PTPRD: variants seen among roughly 807,000 people sequenced by gnomAD.
The protein encoded by PTPRD is protein tyrosine phosphatase receptor type D.
PTPRD carries 34 observed loss-of-function variants against 214.5 expected under a neutral mutation model. The observed-to-expected ratio is 0.16, with a 90% CI of 0.12 to 0.21. PTPRD has a LOEUF of 0.21. Ranked by LOEUF, PTPRD falls within the 10% of genes least tolerant of loss-of-function variation. The pLI is 1.00. For synonymous variants in PTPRD, 1,128 were observed against 845.7 expected (o/e 1.33, Z -5.79); for missense variants, 2,545 against 2,398.7 (o/e 1.06, Z -1.27).
At chr9:9,741,300 AC>A (rs1393020361) in intron 6 of PTPRD, among the ~76,000 whole-genome samples, 4 of 152,170 alleles carry the variant, frequency 2.6e-5, no homozygotes, top group African/African-American at 9.7e-5. Flanking sequence ...GAAAAGAAGG[AC>A]ACAGAATTAA....
At chr9:10,506,889 C>G (rs908181206) in intron 2 of PTPRD, among the ~76,000 whole-genome samples, 17 of 152,090 alleles carry the variant, frequency 1.1e-4, no homozygotes, top group Admixed American at 2.6e-4. Context: ...ATGTACCCTT[C>G]TCTGTGCATT....
chr9:8,383,556 T>C (rs937978414), intron 37 of PTPRD, among the ~76,000 whole-genome samples: 1 of 152,192 alleles, frequency 6.6e-6, no homozygotes, highest in Non-Finnish European at 1.5e-5. Flanking sequence ...TGGCATCATC[T>C]GGTTTGTATG....
chr9:9,923,663 T>A (rs965985552), intron 5 of PTPRD, among the ~76,000 whole-genome samples: 1 of 151,986 alleles, frequency 6.6e-6, no homozygotes, highest in African/African-American at 2.4e-5. Flanking sequence ...TTTTCATAAT[T>A]GTGAGCAAGA....
intron 4 of PTPRD, among the ~76,000 whole-genome samples, chr9:10,001,522 A>G (rs2096313911): frequency 6.6e-6 from 1 of 152,188 alleles, no homozygotes; most frequent in South Asian, 2.1e-4. Flanking sequence ...GGAACTTATC[A>G]CATACTTGTC....
chr9:9,998,790 G>A (rs1049971920), intron 4 of PTPRD, among the ~76,000 whole-genome samples: 1 of 152,162 alleles, frequency 6.6e-6, no homozygotes, highest in Admixed American at 6.5e-5. Context: ...CTTGAGATAA[G>A]CGAGGGAAAG....
intron 11 of PTPRD, among the ~76,000 whole-genome samples, chr9:8,844,155 T>C (rs765969749): frequency 7.2e-5 from 11 of 152,304 alleles, no homozygotes; most frequent in Non-Finnish European, 1.0e-4. Context: ...GGTCATTTAT[T>C]TCCCCTTTAT....
intron 2 of PTPRD, among the ~76,000 whole-genome samples, chr9:10,385,057 C>A (rs1305356586): frequency 1.3e-5 from 2 of 151,724 alleles, no homozygotes; most frequent in African/African-American, 2.4e-5. Context: ...CCTAACCTTA[C>A]GGGTTATTTT....
intron 9 of PTPRD, among the ~76,000 whole-genome samples, chr9:9,274,585 G>C (rs1342933668): frequency 6.6e-6 from 1 of 151,110 alleles, no homozygotes; most frequent in South Asian, 2.1e-4. Context: ...GAAATTTGGA[G>C]AACTCCCAAA....
chr9:10,066,964 G>GAA (rs200442683), intron 3 of PTPRD, among the ~76,000 whole-genome samples: 57 of 142,884 alleles, frequency 4.0e-4, no homozygotes, highest in African/African-American at 1.3e-3. Context: ...TGTCCTTCTG[G>GAA]AAAAAAAAAA....
chr9:8,398,202 G>T (rs2091643431), intron 36 of PTPRD, among the ~76,000 whole-genome samples: 1 of 152,006 alleles, frequency 6.6e-6, no homozygotes, highest in East Asian at 1.9e-4. Flanking sequence ...TATTTTCTTG[G>T]TGCCAGGCAC....
At chr9:10,605,145 A>C (rs1014533763) in intron 2 of PTPRD, among the ~76,000 whole-genome samples, 3 of 151,894 alleles carry the variant, frequency 2.0e-5, no homozygotes, top group East Asian at 3.9e-4. Flanking sequence ...TTTGATCCAA[A>C]GTACACATTA....
intron 11 of PTPRD, among the ~76,000 whole-genome samples, chr9:8,910,769 T>C (rs184992626): frequency 5.8e-4 from 89 of 152,330 alleles, no homozygotes; most frequent in Non-Finnish European, 1.1e-3. Context: ...GATTACGTAA[T>C]ATAAAATCAA....
At chr9:10,121,377 G>C (rs1396782535) in intron 3 of PTPRD, among the ~76,000 whole-genome samples, 1 of 152,072 alleles carries the variant, frequency 6.6e-6, no homozygotes, top group African/African-American at 2.4e-5. Flanking sequence ...ATTTTGCTTA[G>C]GCTAAAATTA....
intron 6 of PTPRD, among the ~76,000 whole-genome samples, chr9:9,756,412 G>C (rs1596892539): frequency 6.6e-6 from 1 of 152,150 alleles, no homozygotes; most frequent in East Asian, 1.9e-4. Flanking sequence ...TTTTAACAAT[G>C]GTTTACGTTC....
At chr9:9,864,724 G>A (rs541979073) in intron 5 of PTPRD, among the ~76,000 whole-genome samples, 1 of 152,040 alleles carries the variant, frequency 6.6e-6, no homozygotes, top group Non-Finnish European at 1.5e-5. Context: ...TCACTTTGTT[G>A]CCTAGGCTTG....
chr9:9,379,232 A>T lies in PTPRD; in HGVS notation c.-203+18217T>A, dbSNP rs544606112. 4.3e-3 allele frequency among the ~76,000 whole-genome samples: 620 copies of T among 145,364 alleles called. 3 individuals carry two copies. Among genetic ancestry groups the T allele is most frequent in the African/African-American group, 0.015 (588 of 39,800 alleles). ...ATATGATATATATTTGATATATTTT[A>T]TATATATATATATATTTGCCTGTGA... On this transcript the variant is annotated intron_variant, in intron 9 of 45. Transcript: ENST00000381196.
Position 10,194,941 on chromosome 9 carries a change from A to ATT in PTPRD, c.-545+146020_-545+146021dup, listed in dbSNP as rs113659073. ...AAAAAATAACAAGGATTTTCATTTA[A>ATT]TTTTTTTTTTTTTTTTTGAGACAGA... On this transcript the variant is annotated intron_variant, in intron 3 of 45. Coordinates refer to ENST00000381196, the MANE Select transcript of PTPRD (RefSeq NM_002839.4). 3.3e-3 allele frequency among the ~76,000 whole-genome samples: 448 copies of ATT among 137,040 alleles called. 4 individuals carry two copies. The highest frequency in any genetic ancestry group is 5.4e-3 in the African/African-American group (201 of 37,146). 89.9% of individuals were successfully genotyped at this position (137,040 alleles called of 152,430 possible).
intron 5 of PTPRD, among the ~76,000 whole-genome samples, chr9:9,783,819 GT>G (rs71485303): frequency 0.53 from 72,385 of 137,304 alleles, 18,975 homozygotes; most frequent in Middle Eastern, 0.64. Flanking sequence ...CTCCTGCTTC[GT>G]TTTTTTTTTT....
chr9:8,713,509 G>T (rs2098390531), intron 12 of PTPRD: 1 of 1,179,320 alleles, frequency 8.5e-7, no homozygotes. Flanking sequence ...CTGTGGTCAG[G>T]TGTTTGAGAA....
Sources: allele counts gnomAD v4.1 joint callset (sites outside exome capture counted in the v4.1 genomes callset), GRCh38; gene constraint gnomAD v4.1.1; transcripts MANE v1.5; gene names NCBI Gene and HGNC (gene_info 2026-07-23, HGNC 2026-07-21).